SAP30BP: variants seen among roughly 807,000 people sequenced by gnomAD.
SAP30BP encodes SAP30-binding protein.
Under a neutral mutation model 46.3 loss-of-function variants are expected in SAP30BP, and 31 were observed. That is an observed-to-expected ratio of 0.67 (90% confidence interval 0.50 to 0.90). The LOEUF is 0.90. SAP30BP is among the 40% of genes least tolerant of loss of function. The pLI is 0.00. For synonymous variants in SAP30BP, 169 were observed against 144.2 expected (o/e 1.17, Z -1.23); for missense variants, 312 against 391.0 (o/e 0.80, Z 1.70).
chr17:75,668,945 A>G (rs2059861142), intron 2 of SAP30BP, among the ~76,000 whole-genome samples: 1 of 152,124 alleles, frequency 6.6e-6, no homozygotes, highest in African/African-American at 2.4e-5. Context: ...GCAGGCATTC[A>G]TCCTAACTGG....
chr17:75,706,630 C>T lies in SAP30BP; in HGVS notation c.*109C>T. On this transcript the variant is annotated 3_prime_UTR_variant, in exon 11 of 11. Coordinates refer to ENST00000584667, the MANE Select transcript of SAP30BP (RefSeq NM_013260.8). The surrounding 1 kb of genome is among the most constrained non-coding windows in gnomAD (Gnocchi z 4.6). ...GGACTGGGACCTACTCCCCAGATGC[C>T]ACCTGAGAGGAGCTTCTGTTTGGCA... is the stretch of plus-strand genomic sequence containing the variant. The T allele has an allele frequency of 3.0e-6, 3 of 1,013,084 alleles. No homozygotes were observed. Among genetic ancestry groups the T allele is most frequent in the Admixed American group, 2.4e-5 (1 of 42,216 alleles). The allele number at this position is 1,013,084 out of a possible 1,614,324, so 62.8% of individuals were successfully genotyped here.
chr17:75,698,845 G>A (rs964512705), intron 4 of SAP30BP, among the ~76,000 whole-genome samples: 3 of 152,098 alleles, frequency 2.0e-5, no homozygotes, highest in African/African-American at 4.8e-5. Flanking sequence ...CCATCCCCAC[G>A]CCCAGCTGGT....
At chr17:75,695,539 AG>A (rs2060304561) in intron 4 of SAP30BP, among the ~76,000 whole-genome samples, 1 of 152,186 alleles carries the variant, frequency 6.6e-6, no homozygotes, top group South Asian at 2.1e-4. Context: ...TGGATCTTTA[AG>A]CGGCATCGTT....
Position 75,699,777 on chromosome 17 carries a change from C to T in SAP30BP, c.308-6C>T. On this transcript the variant is annotated splice_region_variant and splice_polypyrimidine_tract_variant and intron_variant, in intron 4 of 10. Coordinates refer to ENST00000584667, the MANE Select transcript of SAP30BP (RefSeq NM_013260.8). ...CCTACAGAATTTTTCCTTCTTCTCT[C>T]AACAGCCTCCTTTTCTGAAAGAGTT... The T allele has an allele frequency of 1.2e-6, 2 of 1,610,026 alleles. No homozygotes were observed. The highest frequency in any genetic ancestry group is 4.5e-5 in the East Asian group (2 of 44,800).
At chr17:75,682,808 C>T (rs1568307155) in intron 3 of SAP30BP, among the ~76,000 whole-genome samples, 1 of 151,034 alleles carries the variant, frequency 6.6e-6, no homozygotes, top group African/African-American at 2.4e-5. Context: ...ACTAAAAATA[C>T]AAAAATTAGC....
chr17:75,671,260 G>A (rs1397078560), intron 2 of SAP30BP, among the ~76,000 whole-genome samples: 3 of 152,208 alleles, frequency 2.0e-5, no homozygotes, highest in Admixed American at 1.3e-4. Flanking sequence ...ACTTGCTCAG[G>A]TAGTTTGATG....
chr17:75,693,373 T>C (rs373828515), intron 3 of SAP30BP, 67 bp from the exon 4 acceptor site: 1 of 1,348,508 alleles, frequency 7.4e-7, no homozygotes, highest in African/African-American at 1.4e-5. Flanking sequence ...TCCTGAGTGG[T>C]CTCAGTAGAG....
At chr17:75,671,728 G>A (rs1457623005) in intron 2 of SAP30BP, 88 bp from the exon 3 acceptor site, 2 of 972,554 alleles carry the variant, frequency 2.1e-6, no homozygotes, top group Non-Finnish European at 3.4e-6. Flanking sequence ...TGGGTAAATG[G>A]GCTGTTTGCT....
chr17:75,698,833 C>T (rs974534686), intron 4 of SAP30BP, among the ~76,000 whole-genome samples: 1 of 152,226 alleles, frequency 6.6e-6, no homozygotes, highest in African/African-American at 2.4e-5. Flanking sequence ...CTCCCTGCTT[C>T]CCCATCCCCA....
At position 75,693,442 on chromosome 17, in the gene SAP30BP, T is replaced by C; in HGVS notation, c.267T>C (p.Asp89=). 6.8e-6 allele frequency: 11 copies of C among 1,614,022 alleles called. No homozygotes were observed. The highest frequency in any genetic ancestry group is 9.3e-6 in the Non-Finnish European group (11 of 1,179,908). The change falls in exon 4 of 11, where the codon GAT becomes GAC. Residue 89 remains aspartate, a splice_region_variant and synonymous_variant. Coordinates refer to ENST00000584667, the MANE Select transcript of SAP30BP (RefSeq NM_013260.8). ...TEKPEADDPK[D]NTEAEKRDPQ... is the part of the protein sequence containing the mutation. ...TCGTATTTGTTTGTCTTTTGCAGGA[T>C]AATACAGAAGCAGAAAAGCGAGACC...
intron 9 of SAP30BP, 21 bp from the exon 10 acceptor site, chr17:75,705,987 C>T (rs780210899): frequency 6.2e-7 from 1 of 1,611,572 alleles, no homozygotes; most frequent in East Asian, 2.2e-5. Flanking sequence ...TGGTCTTATT[C>T]TCTTCCCTCT....
intron 4 of SAP30BP, among the ~76,000 whole-genome samples, chr17:75,698,108 C>T (rs1253969196): frequency 3.3e-5 from 5 of 152,330 alleles, no homozygotes; most frequent in Middle Eastern, 3.4e-3. Context: ...TAACAAATAG[C>T]GCATTGTCCC....
At chr17:75,674,943 T>G (rs2059968205) in intron 3 of SAP30BP, among the ~76,000 whole-genome samples, 1 of 152,068 alleles carries the variant, frequency 6.6e-6, no homozygotes, top group Non-Finnish European at 1.5e-5. Flanking sequence ...GCTCAAGTAA[T>G]CTGCCCACAT....
At chr17:75,686,244 G>T (rs528088362) in intron 3 of SAP30BP, among the ~76,000 whole-genome samples, 1 of 151,914 alleles carries the variant, frequency 6.6e-6, no homozygotes, top group African/African-American at 2.4e-5. Flanking sequence ...GGGGCCGGGC[G>T]CAGTGGCTCA....
intron 3 of SAP30BP, among the ~76,000 whole-genome samples, chr17:75,677,606 ATTTTTTT>A (rs36026460): frequency 3.6e-5 from 4 of 109,700 alleles, no homozygotes; most frequent in Non-Finnish European, 7.6e-5. Context: ...TAATTTTTGT[ATTTTTTT>A]TTTTTTTTTT....
At position 75,707,977 on chromosome 17, in the gene SAP30BP, A is replaced by T. The variant is rs1063095; in HGVS notation, c.*1456A>T. 2.0e-5 allele frequency: 3 copies of T among 152,224 alleles called. No homozygotes were observed. Among genetic ancestry groups the T allele is most frequent in the African/African-American group, 7.2e-5 (3 of 41,460 alleles). The allele number at this position is 152,224 out of a possible 1,614,324, so 9.4% of individuals were successfully genotyped here. On this transcript the variant is annotated 3_prime_UTR_variant, in exon 11 of 11. Transcript: ENST00000584667. ...GTAAGCCTGTTTCTTCTCTGAAATC[A>T]CAGTAATAAAGCGTCGTAAGATGGT...
At chr17:75,705,868 C>T (rs1458798224) in intron 9 of SAP30BP, 140 bp from the exon 10 acceptor site, 17 of 1,285,862 alleles carry the variant, frequency 1.3e-5, no homozygotes, top group East Asian at 9.4e-5. Context: ...TCGCCCTACC[C>T]CAGATGGGCA....
intron 4 of SAP30BP, among the ~76,000 whole-genome samples, chr17:75,697,896 G>A (rs1054206522): frequency 2.6e-5 from 4 of 152,222 alleles, no homozygotes; most frequent in Non-Finnish European, 4.4e-5. Flanking sequence ...AGAAGGGGCT[G>A]GCTGTGCGAA....
intron 3 of SAP30BP, among the ~76,000 whole-genome samples, chr17:75,678,258 A>G (rs2060021959): frequency 6.6e-6 from 1 of 152,146 alleles, no homozygotes; most frequent in South Asian, 2.1e-4. Context: ...TGGGGATCCC[A>G]GGACCCCCTC....
Sources: allele counts gnomAD v4.1 joint callset (sites outside exome capture counted in the v4.1 genomes callset), GRCh38; gene constraint gnomAD v4.1.1; non-coding constraint Gnocchi (gnomAD v3.1); transcripts MANE v1.5; gene names NCBI Gene and HGNC (gene_info 2026-07-23, HGNC 2026-07-21).